Variants in ALDH1L1 observed in about 807,000 individuals in gnomAD.
ALDH1L1 encodes the protein aldehyde dehydrogenase 1 family member L1.
A neutral mutation model predicts 101.1 loss-of-function variants in ALDH1L1; 68 were observed. The ratio of observed to expected loss-of-function variants is 0.67; its 90% confidence interval spans 0.55 to 0.82. The LOEUF (loss-of-function observed/expected upper bound fraction) is 0.82. ALDH1L1 is among the 40% of genes least tolerant of loss of function. The probability of loss-of-function intolerance (pLI) is 0.00; values close to 1 mark genes in which losing one functional copy is unlikely to be tolerated. For synonymous variants in ALDH1L1, 486 were observed against 470.8 expected, an observed-to-expected ratio of 1.03 and a Z score of -0.42; for missense variants, 1,087 against 1,172.7, an observed-to-expected ratio of 0.93 and a Z score of 1.07.
chr3:126,151,839 G>A (rs2080812928), intron 7 of ALDH1L1: 1 of 161,808 alleles, frequency 6.2e-6, no homozygotes. Context: ...GTGGGGAGCA[G>A]GGTGTGTGTG....
At chr3:126,186,373 A>G (rs2081518381), upstream of ALDH1L1, among the ~76,000 whole-genome samples, 1 of 152,156 alleles carries the variant, frequency 6.6e-6, no homozygotes, top group South Asian at 2.1e-4. Context: ...GAAATCACCC[A>G]CCCAGGATTC....
At chr3:126,188,305 C>A (rs1248105710) in intron 1 of ALDH1L1, among the ~76,000 whole-genome samples, 1 of 152,176 alleles carries the variant, frequency 6.6e-6, no homozygotes, top group African/African-American at 2.4e-5. Flanking sequence ...GAATGTGAAA[C>A]CTGTGTATGC....
At chr3:126,187,244 CTG>C (rs1053640925) in intron 1 of ALDH1L1, among the ~76,000 whole-genome samples, 1 of 151,900 alleles carries the variant, frequency 6.6e-6, no homozygotes, top group Non-Finnish European at 1.5e-5. Context: ...TCAGTAGTGT[CTG>C]TGGTTCCTAA....
At chr3:126,168,585 A>G (rs1183384464) in intron 1 of ALDH1L1, among the ~76,000 whole-genome samples, 1 of 152,160 alleles carries the variant, frequency 6.6e-6, no homozygotes. Context: ...CTATTTCATA[A>G]TATCGAGGGT....
At chr3:126,148,804 T>C (rs905262191) in intron 8 of ALDH1L1, among the ~76,000 whole-genome samples, 2 of 152,140 alleles carry the variant, frequency 1.3e-5, no homozygotes, top group African/African-American at 4.8e-5. Context: ...AAATAGCCAA[T>C]CCTTCAAGAT....
chr3:126,122,568 C>T (rs1410853968), intron 16 of ALDH1L1, among the ~76,000 whole-genome samples: 4 of 152,140 alleles, frequency 2.6e-5, no homozygotes, highest in Non-Finnish European at 4.4e-5. Flanking sequence ...TTTCTTTTCT[C>T]AACTTCTTTA....
At chr3:126,164,061 G>A (rs1395583090) in intron 1 of ALDH1L1, among the ~76,000 whole-genome samples, 1 of 151,988 alleles carries the variant, frequency 6.6e-6, no homozygotes, top group Non-Finnish European at 1.5e-5. Context: ...AGTCTGGGAG[G>A]TCTAGGCTAG....
chr3:126,174,616 A>C (rs1183829987), intron 1 of ALDH1L1, among the ~76,000 whole-genome samples: 2 of 152,254 alleles, frequency 1.3e-5, no homozygotes, highest in East Asian at 3.8e-4. Flanking sequence ...AACATTAAAA[A>C]AATGGAAACT....
chr3:126,153,310 G>A lies in ALDH1L1; in HGVS notation c.858+134C>T, dbSNP rs2080841655. Reference sequence around the variant, plus strand: ...GCCGGGTGGTCAGGGACAAATCAGGGTCAGTGTTCCTTCCTGGGTCTGGTT... The same window carrying A: ...GCCGGGTGGTCAGGGACAAATCAGGATCAGTGTTCCTTCCTGGGTCTGGTT... On this transcript the variant is annotated intron_variant, in intron 7 of 22. Transcript: ENST00000393434. 2.2e-6 allele frequency: 3 copies of A among 1,384,790 alleles called. No homozygotes were observed. In the South Asian group the frequency reaches 3.6e-5, roughly 17 times the overall value. 85.8% of individuals were successfully genotyped at this position (1,384,790 alleles called of 1,614,324 possible). A position where few individuals can be genotyped will look rare whatever the true frequency, so the allele number is the denominator to read the frequency against.
At chr3:126,116,610 G>A (rs1001375047) in intron 17 of ALDH1L1, among the ~76,000 whole-genome samples, 1 of 152,098 alleles carries the variant, frequency 6.6e-6, no homozygotes, top group African/African-American at 2.4e-5. Flanking sequence ...ATTAGGAGAG[G>A]CAAACCTGCA....
At chr3:126,180,665 T>G (rs1236955440), upstream of ALDH1L1, 1 of 1,329,308 alleles carries the variant, frequency 7.5e-7, no homozygotes, top group South Asian at 1.8e-5. Flanking sequence ...GTCAGCCGAG[T>G]GGGGGCGGCG....
intron 9 of ALDH1L1, among the ~76,000 whole-genome samples, chr3:126,140,103 C>T (rs1259550250): frequency 6.6e-6 from 1 of 152,110 alleles, no homozygotes; most frequent in Non-Finnish European, 1.5e-5. Flanking sequence ...CACACCAAGG[C>T]ACATTACACC....
chr3:126,132,755 T>C (rs1576439744), intron 12 of ALDH1L1, among the ~76,000 whole-genome samples: 1 of 152,172 alleles, frequency 6.6e-6, no homozygotes, highest in Middle Eastern at 3.4e-3. Context: ...CCCCCACCAC[T>C]ACAGTTTGTA....
At chr3:126,194,255 A>G (rs773837332) in intron 1 of ALDH1L1, among the ~76,000 whole-genome samples, 1 of 152,236 alleles carries the variant, frequency 6.6e-6, no homozygotes, top group Non-Finnish European at 1.5e-5. Context: ...CATTAGTATC[A>G]TTCACTAAAT....
chr3:126,187,269 G>A (rs1164696803), intron 1 of ALDH1L1, among the ~76,000 whole-genome samples: 1 of 152,206 alleles, frequency 6.6e-6, no homozygotes, highest in African/African-American at 2.4e-5. Flanking sequence ...ACGGGGGGAA[G>A]GGAAGATGTC....
intron 2 of ALDH1L1, chr3:126,159,544 C>T: frequency 2.2e-6 from 1 of 456,620 alleles, no homozygotes. Context: ...CCGGTCTCCT[C>T]CTCTGTCACT....
chr3:126,174,441 A>T (rs1428621474), intron 1 of ALDH1L1, among the ~76,000 whole-genome samples: 1 of 152,230 alleles, frequency 6.6e-6, no homozygotes, highest in East Asian at 1.9e-4. Context: ...TCACCCAACA[A>T]CAACAGAATA....
intron 3 of ALDH1L1, among the ~76,000 whole-genome samples, chr3:126,158,090 C>T (rs1159380454): frequency 2.0e-5 from 3 of 151,730 alleles, no homozygotes; most frequent in East Asian, 1.9e-4. Context: ...CTCCTGGTGC[C>T]CTCTCTGTCC....
intron 16 of ALDH1L1, among the ~76,000 whole-genome samples, chr3:126,120,393 C>G (rs905919736): frequency 3.3e-5 from 5 of 152,140 alleles, no homozygotes; most frequent in African/African-American, 1.2e-4. Context: ...CATATGATTG[C>G]AATTACATGA....
Sources: gnomAD v4.1 joint callset for allele counts (sites outside exome capture counted in the v4.1 genomes callset) on GRCh38, gnomAD v4.1.1 for gene constraint, MANE v1.5 for transcripts, NCBI Gene and HGNC (gene_info 2026-07-23, HGNC 2026-07-21) for gene names.